SIL1: variants seen among roughly 807,000 people sequenced by gnomAD.
The protein encoded by SIL1 is nucleotide exchange factor SIL1.
A neutral mutation model predicts 49.1 loss-of-function variants in SIL1; 40 were observed. The ratio of observed to expected loss-of-function variants is 0.81; its 90% CI spans 0.63 to 1.06. The LOEUF (loss-of-function observed/expected upper bound fraction) is 1.06, where lower values mean the gene tolerates loss of function less well. Ranked by LOEUF, SIL1 falls within the 50% of genes least tolerant of loss-of-function variation. SIL1 has a pLI of 0.00. For missense variants in SIL1, 500 were observed against 572.6 expected (o/e 0.87, Z 1.29); for synonymous variants, 253 against 250.8 (o/e 1.01, Z -0.08).
intron 3 of SIL1, among the ~76,000 whole-genome samples, chr5:139,053,031 G>A (rs1383736251): frequency 1.3e-5 from 2 of 152,052 alleles, no homozygotes; most frequent in Non-Finnish European, 2.9e-5. Context: ...ACAAAGAACT[G>A]GCAACTTCTA....
At chr5:139,144,717 A>C (rs554980348) in intron 1 of SIL1, among the ~76,000 whole-genome samples, 1 of 152,280 alleles carries the variant, frequency 6.6e-6, no homozygotes, top group South Asian at 2.1e-4. Context: ...CTAAAAATAC[A>C]AAAATTAGCC....
intron 7 of SIL1, among the ~76,000 whole-genome samples, chr5:138,969,740 T>C (rs180754705): frequency 2.0e-5 from 3 of 152,294 alleles, no homozygotes; most frequent in African/African-American, 7.2e-5. Flanking sequence ...GCATAACAGA[T>C]GGATAATTAG....
At chr5:139,169,413 A>C (rs1751688531) in intron 1 of SIL1, among the ~76,000 whole-genome samples, 1 of 152,154 alleles carries the variant, frequency 6.6e-6, no homozygotes, top group African/African-American at 2.4e-5. Flanking sequence ...CCAAAACACA[A>C]GGCATACAAT....
chr5:138,951,607 C>A (rs1162371079), intron 8 of SIL1, among the ~76,000 whole-genome samples, 181 bp downstream of exon 8: 1 of 152,160 alleles, frequency 6.6e-6, no homozygotes, highest in East Asian at 1.9e-4. Context: ...TGCCCCCAGG[C>A]CTCTAGTCAC....
chr5:138,983,510 A>G (rs1372073556), intron 7 of SIL1, among the ~76,000 whole-genome samples: 1 of 145,704 alleles, frequency 6.9e-6, no homozygotes, highest in African/African-American at 2.7e-5. Flanking sequence ...TTTGTCTCGA[A>G]AAAAAAAAAA....
intron 5 of SIL1, 73 bp downstream of exon 5, chr5:139,042,547 A>C: frequency 7.9e-7 from 1 of 1,262,892 alleles, no homozygotes; most frequent in East Asian, 2.3e-5. Context: ...TTCCCATAAA[A>C]ATGATTCCAT....
At chr5:138,996,409 T>C (rs530761320) in intron 7 of SIL1, among the ~76,000 whole-genome samples, 43 of 152,288 alleles carry the variant, frequency 2.8e-4, no homozygotes, top group African/African-American at 1.0e-3. Context: ...GCCCCTTATA[T>C]TTTCTGTTTA....
chr5:139,085,172 G>T (rs1273877754), intron 3 of SIL1, among the ~76,000 whole-genome samples: 3 of 152,158 alleles, frequency 2.0e-5, no homozygotes, highest in African/African-American at 7.2e-5. Flanking sequence ...GTGAAAAGTA[G>T]CATGAACAAA....
chr5:139,126,138 T>C (rs1241178279), intron 2 of SIL1, among the ~76,000 whole-genome samples: 1 of 152,218 alleles, frequency 6.6e-6, no homozygotes, highest in Admixed American at 6.5e-5. Context: ...GCAATTTTTA[T>C]GGTATGAGAG....
At chr5:139,194,054 A>G (rs1267543506) in intron 1 of SIL1, among the ~76,000 whole-genome samples, 1 of 152,226 alleles carries the variant, frequency 6.6e-6, no homozygotes, top group Non-Finnish European at 1.5e-5. Flanking sequence ...TTCCTTCTCA[A>G]TACCAAAGCC....
chr5:139,118,245 C>G (rs1438794374), intron 3 of SIL1, among the ~76,000 whole-genome samples: 1 of 152,164 alleles, frequency 6.6e-6, no homozygotes, highest in Admixed American at 6.5e-5. Context: ...TCGTAAGTTC[C>G]CTTTCCCATG....
At chr5:139,194,050 C>T (rs937791600) in intron 1 of SIL1, among the ~76,000 whole-genome samples, 1 of 152,222 alleles carries the variant, frequency 6.6e-6, no homozygotes, top group African/African-American at 2.4e-5. Context: ...CCACTTCCTT[C>T]TCAATACCAA....
intron 1 of SIL1, among the ~76,000 whole-genome samples, chr5:139,160,362 C>G (rs1751488095): frequency 6.6e-6 from 1 of 152,136 alleles, no homozygotes; most frequent in African/African-American, 2.4e-5. Context: ...TGAGGATCAT[C>G]ATTTAGCACT....
At chr5:139,098,786 G>C (rs1350603944) in intron 3 of SIL1, among the ~76,000 whole-genome samples, 1 of 136,890 alleles carries the variant, frequency 7.3e-6, no homozygotes, top group Non-Finnish European at 1.6e-5. Flanking sequence ...ATGTGCAAAA[G>C]ATTTGAATAG....
intron 7 of SIL1, among the ~76,000 whole-genome samples, chr5:138,997,399 C>T (rs1378013714): frequency 6.6e-6 from 1 of 152,114 alleles, no homozygotes; most frequent in Non-Finnish European, 1.5e-5. Context: ...TGTCCTTTGC[C>T]CATTGGATGT....
intron 3 of SIL1, among the ~76,000 whole-genome samples, chr5:139,086,927 T>G (rs2151773973): frequency 6.6e-6 from 1 of 151,698 alleles, no homozygotes; most frequent in African/African-American, 2.4e-5. Context: ...GCCATTGAGC[T>G]CCAGCCTGGG....
At chr5:139,055,047 A>G (rs116663195) in intron 3 of SIL1, among the ~76,000 whole-genome samples, 1,924 of 152,318 alleles carry the variant, frequency 0.013, 35 homozygotes, top group African/African-American at 0.043. Flanking sequence ...AACAAGATAC[A>G]TACAGGTAAC....
At chr5:139,085,851 G>T (rs573206580) in intron 3 of SIL1, among the ~76,000 whole-genome samples, 21 of 152,246 alleles carry the variant, frequency 1.4e-4, no homozygotes, top group African/African-American at 5.1e-4. Context: ...GGGAGAAAGT[G>T]AAGACAGAAG....
intron 6 of SIL1, among the ~76,000 whole-genome samples, chr5:139,023,843 A>G (rs536250310): frequency 2.1e-4 from 32 of 152,376 alleles, no homozygotes; most frequent in African/African-American, 6.7e-4. Context: ...ACATTGCTGC[A>G]TGGCAGCCTG....
Sources: allele counts gnomAD v4.1 joint callset (sites outside exome capture counted in the v4.1 genomes callset), GRCh38; gene constraint gnomAD v4.1.1; transcripts MANE v1.5; gene names NCBI Gene and HGNC (gene_info 2026-07-23, HGNC 2026-07-21).